Variants in SMYD3 observed in about 807,000 individuals in gnomAD.
The protein encoded by SMYD3 is SET and MYND domain containing 3, also known as histone-lysine N-methyltransferase SMYD3.
Under a neutral mutation model 57.7 loss-of-function variants are expected in SMYD3, and 36 were observed. The ratio of observed to expected loss-of-function variants is 0.62; its 90% confidence interval spans 0.48 to 0.82. The LOEUF (loss-of-function observed/expected upper bound fraction) is 0.82, where lower values mean the gene tolerates loss of function less well. SMYD3 is among the 40% of genes least tolerant of loss of function. The pLI, the probability that SMYD3 is intolerant of heterozygous loss-of-function variation, is 0.00. For missense variants in SMYD3, 515 were observed against 538.8 expected (o/e 0.96, Z 0.44); for synonymous variants, 211 against 195.0 (o/e 1.08, Z -0.68).
intron 1 of SMYD3, among the ~76,000 whole-genome samples, chr1:246,489,271 G>A (rs997421203): frequency 7.9e-5 from 12 of 152,220 alleles, no homozygotes; most frequent in Non-Finnish European, 1.6e-4. Context: ...GCGTGAACCC[G>A]GGAGGCGGAG....
At chr1:245,824,739 C>T (rs1443607236) in intron 10 of SMYD3, among the ~76,000 whole-genome samples, 2 of 151,944 alleles carry the variant, frequency 1.3e-5, no homozygotes, top group Admixed American at 6.6e-5. Flanking sequence ...GCCTGTAGTC[C>T]CAGCTACTTG....
At chr1:246,411,742 G>A (rs150887800) in intron 1 of SMYD3, among the ~76,000 whole-genome samples, 3,414 of 149,558 alleles carry the variant, frequency 0.023, 132 homozygotes, top group African/African-American at 0.079. Flanking sequence ...ACCAAACACC[G>A]CATGTTCTCG....
chr1:246,246,527 G>A (rs987623341), intron 5 of SMYD3, among the ~76,000 whole-genome samples: 1 of 152,106 alleles, frequency 6.6e-6, no homozygotes, highest in Non-Finnish European at 1.5e-5. Context: ...AACTTTTGAA[G>A]AGTGAATTGT....
intron 5 of SMYD3, among the ~76,000 whole-genome samples, chr1:246,309,984 T>A (rs1318642752): frequency 6.8e-6 from 1 of 147,914 alleles, no homozygotes; most frequent in Non-Finnish European, 1.5e-5. Context: ...AAAATAAATC[T>A]TCTTCCACAA....
intron 5 of SMYD3, among the ~76,000 whole-genome samples, chr1:246,164,066 C>A (rs1418550656): frequency 2.6e-5 from 4 of 152,098 alleles, no homozygotes; most frequent in Admixed American, 2.6e-4. Context: ...CAACTCAGAC[C>A]ACAAAATTTA....
chr1:246,350,757 G>C (rs912393163), intron 2 of SMYD3, among the ~76,000 whole-genome samples: 5 of 152,176 alleles, frequency 3.3e-5, no homozygotes, highest in African/African-American at 1.2e-4. Flanking sequence ...TTAATATACA[G>C]ATGCCACTTG....
intron 1 of SMYD3, among the ~76,000 whole-genome samples, chr1:246,444,750 A>G (rs925851970): frequency 2.0e-5 from 3 of 152,196 alleles, no homozygotes; most frequent in African/African-American, 7.2e-5. Flanking sequence ...AAGACAACTA[A>G]TCTAAAAAAC....
intron 9 of SMYD3, among the ~76,000 whole-genome samples, chr1:245,863,183 C>G (rs1402934883): frequency 6.6e-6 from 1 of 152,208 alleles, no homozygotes; most frequent in Non-Finnish European, 1.5e-5. Flanking sequence ...CTACCAGGAG[C>G]GGCCTCCTTC....
At chr1:246,376,747 T>A (rs2066285812) in intron 1 of SMYD3, among the ~76,000 whole-genome samples, 1 of 152,132 alleles carries the variant, frequency 6.6e-6, no homozygotes, top group South Asian at 2.1e-4. Flanking sequence ...GAGGCTTTAC[T>A]TAGGTCGACT....
At chr1:245,939,678 G>T (rs955074741) in intron 5 of SMYD3, among the ~76,000 whole-genome samples, 2 of 152,122 alleles carry the variant, frequency 1.3e-5, no homozygotes, top group Non-Finnish European at 2.9e-5. Flanking sequence ...GAGACAGGCT[G>T]ACTGTTGGGT....
At chr1:246,125,968 T>C (rs1021335693) in intron 5 of SMYD3, among the ~76,000 whole-genome samples, 2 of 152,038 alleles carry the variant, frequency 1.3e-5, no homozygotes, top group Non-Finnish European at 2.9e-5. Flanking sequence ...ATCTATAAGA[T>C]GTATTGGAAG....
intron 5 of SMYD3, among the ~76,000 whole-genome samples, chr1:246,006,239 A>C (rs1020961264): frequency 6.6e-6 from 1 of 151,944 alleles, no homozygotes; most frequent in Admixed American, 6.6e-5. Flanking sequence ...ACTTTGTAGG[A>C]AGAGCCCGCC....
At chr1:246,068,077 GA>G (rs2060375529) in intron 5 of SMYD3, among the ~76,000 whole-genome samples, 1 of 152,142 alleles carries the variant, frequency 6.6e-6, no homozygotes, top group Non-Finnish European at 1.5e-5. Flanking sequence ...TGACTGTTTA[GA>G]AAAGCAGTTA....
At chr1:245,932,264 T>C (rs1046078663) in intron 5 of SMYD3, among the ~76,000 whole-genome samples, 1 of 152,216 alleles carries the variant, frequency 6.6e-6, no homozygotes, top group African/African-American at 2.4e-5. Context: ...AGGAAAAATC[T>C]TTATCAGTTT....
At chr1:245,903,073 C>G (rs1418399260) in intron 8 of SMYD3, among the ~76,000 whole-genome samples, 1 of 152,036 alleles carries the variant, frequency 6.6e-6, no homozygotes, top group African/African-American at 2.4e-5. Flanking sequence ...TACAAGAGAA[C>G]ACAGGTAAAA....
At chr1:246,388,119 G>T (rs932152863) in intron 1 of SMYD3, among the ~76,000 whole-genome samples, 6 of 97,360 alleles carry the variant, frequency 6.2e-5, no homozygotes, top group African/African-American at 2.5e-4. Context: ...CCTCGAGGTT[G>T]AAGTCAGTTT....
At chr1:246,260,771 C>A (rs1212244190) in intron 5 of SMYD3, among the ~76,000 whole-genome samples, 4 of 150,246 alleles carry the variant, frequency 2.7e-5, no homozygotes, top group Non-Finnish European at 5.9e-5. Context: ...AGTTTATCTT[C>A]ATGCACTATC....
intron 5 of SMYD3, among the ~76,000 whole-genome samples, chr1:246,171,353 T>C (rs12141840): frequency 6.6e-6 from 1 of 152,176 alleles, no homozygotes; most frequent in South Asian, 2.1e-4. Context: ...TTGCATATCC[T>C]TTTGCTTTAA....
chr1:245,764,233 C>G, intron 10 of SMYD3, 84 bp from the exon 11 acceptor site: 2 of 857,168 alleles, frequency 2.3e-6, no homozygotes, highest in Admixed American at 3.9e-5. Context: ...AAAGTGGAAG[C>G]AGACACTAGC....
Sources: gnomAD v4.1 joint callset for allele counts (sites outside exome capture counted in the v4.1 genomes callset) on GRCh38, gnomAD v4.1.1 for gene constraint, MANE v1.5 for transcripts, NCBI Gene and HGNC (gene_info 2026-07-23, HGNC 2026-07-21) for gene names.